C10orf67: variants seen among roughly 807,000 people sequenced by gnomAD.
C10orf67 encodes the protein chromosome 10 open reading frame 67.
Under a neutral mutation model 35.6 loss-of-function variants are expected in C10orf67, and 60 were observed. The observed-to-expected ratio is 1.68, with a 90% CI of 1.37 to 2.09. The LOEUF (loss-of-function observed/expected upper bound fraction) is 2.09. C10orf67 is among the 30% of genes most tolerant of loss of function. The pLI is 0.00. For missense variants in C10orf67, 474 were observed against 330.2 expected, an observed-to-expected ratio of 1.44 and a Z score of -3.38; for synonymous variants, 167 against 115.8, an observed-to-expected ratio of 1.44 and a Z score of -2.84.
In C10orf67 at chr10:23,305,987, T is replaced by A. The variant is rs193115640; in HGVS notation, c.547-2528A>T. Among the ~76,000 whole-genome samples the A allele has an allele frequency of 7.7e-3, 1,041 of 134,606 alleles. 2 individuals are homozygous for A. The highest frequency in any genetic ancestry group is 0.028 in the African/African-American group (930 of 33,474). The allele number at this position is 134,606 out of a possible 152,430, so 88.3% of individuals were successfully genotyped here. ...TACGCGCACACACACACACACACACTCTCTCTCTCACATACACACACACAC... is the reference window on the plus strand; with the variant it reads ...TACGCGCACACACACACACACACACACTCTCTCTCACATACACACACACAC... On this transcript the variant is annotated intron_variant, in intron 4 of 15. Coordinates refer to ENST00000636213, the MANE Select transcript of C10orf67 (RefSeq NM_001371909.1).
At chr10:23,329,797 C>CAGAA (rs746685733) in intron 2 of C10orf67, among the ~76,000 whole-genome samples, 1 of 48,092 alleles carries the variant, frequency 2.1e-5, no homozygotes, top group African/African-American at 1.0e-4. Flanking sequence ...GAACTTGTCT[C>CAGAA]AAAAAAAAAA....
chr10:23,267,345 T>A lies in C10orf67; in HGVS notation c.976-91A>T, dbSNP rs1842910443. 3 of 601,428 alleles carry A rather than the reference T, an allele frequency of 5.0e-6. No individual in the cohort carries two copies. The African/African-American group carries it at 5.6e-5, about 11-fold the overall frequency. 37.3% of individuals were successfully genotyped at this position (601,428 alleles called of 1,614,324 possible). On this transcript the variant is annotated intron_variant, in intron 8 of 15. Coordinates refer to ENST00000636213, the MANE Select transcript of C10orf67 (RefSeq NM_001371909.1). ...AAAACTTCTATAAGCAATGAAAGAG[T>A]AACGTTTTAAACCATTTGTCTCCCA...
chr10:23,250,052 G>C (rs1484856318), intron 12 of C10orf67, among the ~76,000 whole-genome samples: 1 of 152,192 alleles, frequency 6.6e-6, no homozygotes, highest in Non-Finnish European at 1.5e-5. Context: ...TGAGGAACTG[G>C]AGCTGTTGTG....
At chr10:23,209,507 A>T (rs183259067) in intron 15 of C10orf67, among the ~76,000 whole-genome samples, 106 of 152,276 alleles carry the variant, frequency 7.0e-4, no homozygotes, top group African/African-American at 2.4e-3. Flanking sequence ...TATACTTGAA[A>T]TTTGCTAAGA....
At chr10:23,332,318 T>C (rs780416593) in intron 2 of C10orf67, among the ~76,000 whole-genome samples, 2 of 152,072 alleles carry the variant, frequency 1.3e-5, no homozygotes, top group Non-Finnish European at 2.9e-5. Flanking sequence ...TGTAACAGCT[T>C]TGTTGATTAG....
intron 1 of C10orf67, among the ~76,000 whole-genome samples, chr10:23,335,390 C>T (rs1845642189): frequency 6.6e-6 from 1 of 152,126 alleles, no homozygotes; most frequent in Admixed American, 6.6e-5. Context: ...ATTACTAAAC[C>T]TTTCTGTGCC....
intron 8 of C10orf67, among the ~76,000 whole-genome samples, chr10:23,278,078 T>C (rs1185722879): frequency 6.6e-6 from 1 of 152,134 alleles, no homozygotes; most frequent in Non-Finnish European, 1.5e-5. Context: ...GCTAAACCAT[T>C]CATGAGAAAT....
At chr10:23,265,118 C>T (rs1842852869) in intron 10 of C10orf67, among the ~76,000 whole-genome samples, 1 of 152,236 alleles carries the variant, frequency 6.6e-6, no homozygotes, top group Non-Finnish European at 1.5e-5. Flanking sequence ...GTCTACACTT[C>T]CTAGCTCTCT....
chr10:23,264,707 G>C (rs1389308020), intron 10 of C10orf67, among the ~76,000 whole-genome samples: 1 of 152,216 alleles, frequency 6.6e-6, no homozygotes, highest in Non-Finnish European at 1.5e-5. Context: ...CCTTGGGGTT[G>C]CTGTGGGGAC....
intron 13 of C10orf67, among the ~76,000 whole-genome samples, chr10:23,236,448 A>G (rs1204319044): frequency 6.6e-6 from 1 of 151,506 alleles, no homozygotes; most frequent in Admixed American, 6.6e-5. Flanking sequence ...AACAAAACAA[A>G]ACAAACAAAA....
chr10:23,309,323 G>A (rs1225176784), intron 4 of C10orf67, among the ~76,000 whole-genome samples: 1 of 152,154 alleles, frequency 6.6e-6, no homozygotes. Flanking sequence ...TCACTTCTAA[G>A]TGGGAGCTAA....
intron 15 of C10orf67, among the ~76,000 whole-genome samples, chr10:23,211,474 TGTGTGG>T (rs1841303708): frequency 8.3e-6 from 1 of 120,124 alleles, no homozygotes; most frequent in Non-Finnish European, 1.7e-5. Context: ...TGTGTGTGTG[TGTGTGG>T]GGGGGGGGGG....
At position 23,264,800 on chromosome 10, in the gene C10orf67, G is replaced by A. The variant is rs975306821; in HGVS notation, c.1200+1462C>T. 2.6e-5 allele frequency among the ~76,000 whole-genome samples: 4 copies of A among 152,078 alleles called. No individual in the cohort carries two copies. The South Asian group carries it at 6.2e-4, about 24-fold the overall frequency. On this transcript the variant is annotated intron_variant, in intron 10 of 15. Coordinates refer to ENST00000636213, the MANE Select transcript of C10orf67 (RefSeq NM_001371909.1). ...AGCTGCTCTGCCCCAGTGGCTGACC[G>A]GGCTCTGTAGTCCTCCCAGCCATCA...
intron 1 of C10orf67, among the ~76,000 whole-genome samples, chr10:23,342,240 A>ACACACACT (rs911889225): frequency 1.1e-4 from 16 of 149,262 alleles, no homozygotes; most frequent in African/African-American, 3.7e-4. Context: ...ACACACACAC[A>ACACACACT]CTCTCACACA....
chr10:23,236,429 TCAAAACAAAA>T (rs553906349), intron 13 of C10orf67, among the ~76,000 whole-genome samples: 2 of 151,052 alleles, frequency 1.3e-5, no homozygotes, highest in African/African-American at 2.5e-5. Flanking sequence ...AGACTCTGTC[TCAAAACAAAA>T]CAAAACAAAA....
chr10:23,334,948 G>C lies in C10orf67; in HGVS notation c.207-1766C>G, dbSNP rs569404663. On this transcript the variant is annotated intron_variant, in intron 1 of 15. Transcript: ENST00000636213. Reference sequence around the variant, plus strand: ...TCATGCCTATAATCTCAGCACTTCGGGAGGCCAAGGCAGGAGGAGCACTTG... The same window carrying C: ...TCATGCCTATAATCTCAGCACTTCGCGAGGCCAAGGCAGGAGGAGCACTTG... 3.3e-5 allele frequency among the ~76,000 whole-genome samples: 5 copies of C among 152,246 alleles called. No individual in the cohort carries two copies. The South Asian group carries it at 1.0e-3, about 32-fold the overall frequency.
chr10:23,254,176 T>C (rs1842539204), intron 10 of C10orf67, among the ~76,000 whole-genome samples: 1 of 152,220 alleles, frequency 6.6e-6, no homozygotes. Context: ...AATTAAATAA[T>C]TGTAAAGATA....
chr10:23,322,298 C>T, intron 3 of C10orf67, 96 bp downstream of exon 3: 1 of 1,289,920 alleles, frequency 7.8e-7, no homozygotes, highest in South Asian at 1.5e-5. Context: ...GCAAATTACA[C>T]TGCCCTCACA....
intron 4 of C10orf67, chr10:23,318,978 G>A: frequency 2.7e-6 from 2 of 741,102 alleles, no homozygotes; most frequent in South Asian, 2.9e-5. Flanking sequence ...AAAAGAAAGG[G>A]TCTTCCATGA....
Sources: gnomAD v4.1 joint callset for allele counts (sites outside exome capture counted in the v4.1 genomes callset) on GRCh38, gnomAD v4.1.1 for gene constraint, MANE v1.5 for transcripts, NCBI Gene and HGNC (gene_info 2026-07-23, HGNC 2026-07-21) for gene names.